Variants in DUS2 observed in about 807,000 individuals in gnomAD.
The protein encoded by DUS2 is tRNA-dihydrouridine(20) synthase [NAD(P)+]-like.
DUS2 carries 52 observed loss-of-function variants against 71.3 expected under a neutral mutation model. The observed-to-expected ratio is 0.73, with a 90% CI of 0.58 to 0.92. The LOEUF (loss-of-function observed/expected upper bound fraction) is 0.92, where lower values mean the gene tolerates loss of function less well. Ranked by LOEUF, DUS2 falls within the 40% of genes least tolerant of loss-of-function variation. The probability of loss-of-function intolerance (pLI) is 0.00; values close to 1 mark genes in which losing one functional copy is unlikely to be tolerated. For synonymous variants in DUS2, 204 were observed against 227.8 expected (o/e 0.90, Z 0.94); for missense variants, 558 against 622.6 (o/e 0.90, Z 1.10).
chr16:68,045,204 G>A (rs1178713857), intron 3 of DUS2, among the ~76,000 whole-genome samples: 1 of 152,060 alleles, frequency 6.6e-6, no homozygotes, highest in African/African-American at 2.4e-5. Context: ...TTGTGTCCTT[G>A]ACCTTGCTGA....
Position 68,070,998 on chromosome 16 carries a change from A to G in DUS2, c.700A>G (p.Thr234Ala). The G allele has an allele frequency of 1.2e-6, 2 of 1,614,220 alleles. No homozygotes were observed. Among genetic ancestry groups the G allele is most frequent in the Non-Finnish European group, 1.7e-6 (2 of 1,180,034 alleles). The change falls in exon 12 of 17, where the codon ACG (threonine) becomes GCG (alanine). Residue 234 changes from threonine to alanine, a missense_variant. Thr to Ala is a moderately conservative substitution (Grantham distance 58). Coordinates refer to ENST00000565263, the MANE Select transcript of DUS2 (RefSeq NM_017803.5). ...YSDIEDFRQA[T>A]AASSVMVARA... ...GGACATAGAGGACTTTCGACAAGCCACGGCAGCCTCTTCCGTGATGGTGGC... is the reference window on the plus strand; with the variant it reads ...GGACATAGAGGACTTTCGACAAGCCGCGGCAGCCTCTTCCGTGATGGTGGC...
intron 3 of DUS2, among the ~76,000 whole-genome samples, chr16:68,047,574 C>G (rs1199898489): frequency 6.6e-6 from 1 of 151,558 alleles, no homozygotes; most frequent in Non-Finnish European, 1.5e-5. Context: ...ACCTCCGCCT[C>G]CCTGGTTCAA....
In DUS2 at chr16:68,076,710, G is replaced by A; in HGVS notation, c.1161G>A (p.Val387=). 1 of 1,613,820 alleles carries A rather than the reference G, an allele frequency of 6.2e-7. No individual in the cohort carries two copies. Among genetic ancestry groups the A allele is most frequent in the African/African-American group, 1.3e-5 (1 of 75,066 alleles). The part of the protein sequence containing the change: ...WCRREKLAQP[V]YETVQRPLDR... The stretch of plus-strand genomic sequence containing the variant: ...GGAGGGAGAAGTTGGCACAGCCTGT[G>A]TATGAAACGGTGAGTTCCTGGCTGT... Residue 387 remains valine, a synonymous_variant, in exon 15 of 17, where the codon GTG becomes GTA. Transcript: ENST00000565263.
At chr16:68,063,786 C>T (rs1012234142) in intron 8 of DUS2, among the ~76,000 whole-genome samples, 30 of 152,046 alleles carry the variant, frequency 2.0e-4, no homozygotes, top group Non-Finnish European at 1.2e-4. Flanking sequence ...TGCAGTGGTG[C>T]GATCTCAGCT....
intron 13 of DUS2, 42 bp from the exon 14 acceptor site, chr16:68,075,313 C>A: frequency 6.6e-7 from 1 of 1,506,470 alleles, no homozygotes; most frequent in African/African-American, 1.4e-5. Flanking sequence ...TGGATGCTGG[C>A]TCCGCTAAAG....
chr16:68,049,670 C>T lies in DUS2; in HGVS notation c.172+120C>T, dbSNP rs891012612. ...GGCTTCATTGAGTAATTCTATAGAT[C>T]ACATGCTCCCTTGAGAGCAGTCACT... is the stretch of plus-strand genomic sequence containing the variant. On this transcript the variant is annotated intron_variant, in intron 4 of 16. Coordinates refer to ENST00000565263, the MANE Select transcript of DUS2 (RefSeq NM_017803.5). The T allele has an allele frequency of 2.5e-5, 23 of 908,316 alleles. No homozygotes were observed. In the East Asian group the frequency reaches 4.9e-4, roughly 19 times the overall value. 56.3% of individuals were successfully genotyped at this position (908,316 alleles called of 1,614,324 possible). A position where few individuals can be genotyped will look rare whatever the true frequency, so the allele number is the denominator to read the frequency against.
Position 68,074,052 on chromosome 16 carries a change from C to G in DUS2, c.829C>G (p.His277Asp), listed in dbSNP as rs1374823704. The G allele has an allele frequency of 6.2e-7, 1 of 1,614,050 alleles. No individual in the cohort carries two copies. Among genetic ancestry groups the G allele is most frequent in the Non-Finnish European group, 8.5e-7 (1 of 1,180,024 alleles). Residue 277 changes from histidine (H) to aspartate (D), a missense_variant, in exon 13 of 17, where the codon CAC (histidine) becomes GAC (aspartate). His to Asp is a moderately conservative substitution (Grantham distance 81). Transcript: ENST00000565263. ...YIRYAVQYDNHYTNTKYCLCQ... is the reference protein window; with the variant it reads ...YIRYAVQYDNDYTNTKYCLCQ... ...TTCTCAGGCGGTGCAGTATGACAAC[C>G]ACTACACCAACACCAAGTACTGCTT... is the stretch of plus-strand genomic sequence containing the variant.
chr16:68,035,636 G>T (rs1027966588), intron 2 of DUS2, among the ~76,000 whole-genome samples: 7 of 149,554 alleles, frequency 4.7e-5, no homozygotes, highest in Non-Finnish European at 1.0e-4. Context: ...CAATCCTCCT[G>T]CCTTGGCCTC....
At chr16:68,061,250 A>G (rs2033936599) in intron 8 of DUS2, 137 bp downstream of exon 8, 1 of 878,138 alleles carries the variant, frequency 1.1e-6, no homozygotes, top group African/African-American at 1.7e-5. Flanking sequence ...CGATTTCCAA[A>G]AAATTTTCCA....
At chr16:68,048,744 C>A (rs981397291) in intron 3 of DUS2, among the ~76,000 whole-genome samples, 1 of 152,018 alleles carries the variant, frequency 6.6e-6, no homozygotes, top group African/African-American at 2.4e-5. Context: ...GGGGTTAGTA[C>A]CAGGAGTAAG....
chr16:68,073,789 A>T (rs1331269772), intron 12 of DUS2, among the ~76,000 whole-genome samples: 1 of 151,606 alleles, frequency 6.6e-6, no homozygotes, highest in Non-Finnish European at 1.5e-5. Context: ...GTTGAGTCTT[A>T]CGTTGCCCAG....
intron 12 of DUS2, among the ~76,000 whole-genome samples, chr16:68,073,684 G>A (rs1429721931): frequency 1.3e-5 from 2 of 152,166 alleles, no homozygotes; most frequent in African/African-American, 2.4e-5. Context: ...CCTGACCTCA[G>A]GTGATCCGCC....
At chr16:68,025,125 C>T (rs1029718794) in intron 1 of DUS2, among the ~76,000 whole-genome samples, 11 of 152,078 alleles carry the variant, frequency 7.2e-5, no homozygotes, top group South Asian at 2.1e-4. Context: ...CCGCTGTGCC[C>T]GGCCCAATTC....
At position 68,038,035 on chromosome 16, in the gene DUS2, T is replaced by C. The variant is rs1288277566; in HGVS notation, c.12T>C (p.Asn4=). 8 of 1,613,610 alleles carry C rather than the reference T, an allele frequency of 5.0e-6. No homozygotes were observed. The highest frequency in any genetic ancestry group is 6.8e-6 in the Non-Finnish European group (8 of 1,179,816). ...TAACAGAGGAGGAAATGATTTTGAA[T>C]AGCCTCTCTCTGTGTTACCATAATA... MIL[N]SLSLCYHNKL... Residue 4 remains asparagine, a synonymous_variant, in exon 3 of 17, where the codon AAT becomes AAC. Coordinates refer to ENST00000565263, the MANE Select transcript of DUS2 (RefSeq NM_017803.5).
chr16:68,046,534 C>T (rs1012234038), intron 3 of DUS2, among the ~76,000 whole-genome samples: 4 of 152,182 alleles, frequency 2.6e-5, no homozygotes, highest in East Asian at 1.9e-4. Context: ...TGTGCCACCA[C>T]GCTCGGCTAA....
At chr16:68,061,410 C>A (rs1291760588) in intron 8 of DUS2, among the ~76,000 whole-genome samples, 1 of 152,148 alleles carries the variant, frequency 6.6e-6, no homozygotes, top group African/African-American at 2.4e-5. Flanking sequence ...TTCCTGTCTC[C>A]CTTCTGGGAA....
intron 2 of DUS2, among the ~76,000 whole-genome samples, chr16:68,027,536 C>T (rs2033370424): frequency 6.6e-6 from 1 of 152,250 alleles, no homozygotes; most frequent in South Asian, 2.1e-4. Context: ...AGCCACCTCA[C>T]CCGGCTGCCA....
Position 68,076,718 on chromosome 16 carries a change from C to T in DUS2, c.1169C>T (p.Thr390Met), listed in dbSNP as rs139283565. The change falls in exon 15 of 17, where the codon ACG (threonine) becomes ATG (methionine). Residue 390 changes from threonine (T) to methionine (M), a missense_variant and splice_region_variant. Physicochemically the swap from Thr to Met is moderately conservative, Grantham distance 81. Transcript: ENST00000565263. ...REKLAQPVYE[T>M]VQRPLDRLFS... Reference sequence around the variant, plus strand: ...AAGTTGGCACAGCCTGTGTATGAAACGGTGAGTTCCTGGCTGTGGCCTGCC... The same window carrying T: ...AAGTTGGCACAGCCTGTGTATGAAATGGTGAGTTCCTGGCTGTGGCCTGCC... The T allele has an allele frequency of 9.2e-5, 149 of 1,613,294 alleles. No individual in the cohort carries two copies. The highest frequency in any genetic ancestry group is 8.8e-4 in the African/African-American group (66 of 75,034).
intron 3 of DUS2, among the ~76,000 whole-genome samples, chr16:68,044,576 T>C (rs2033675266): frequency 6.6e-6 from 1 of 151,680 alleles, no homozygotes; most frequent in African/African-American, 2.4e-5. Context: ...TTGTATTTTT[T>C]TGTAGAGTTA....
Sources: allele counts gnomAD v4.1 joint callset (sites outside exome capture counted in the v4.1 genomes callset), GRCh38; gene constraint gnomAD v4.1.1; transcripts MANE v1.5; gene names NCBI Gene and HGNC (gene_info 2026-07-23, HGNC 2026-07-21).